The following NUP210 variants were observed in gnomAD, a reference collection of about 807,000 sequenced individuals.
NUP210 encodes the protein nuclear pore membrane glycoprotein 210.
Under a neutral mutation model 196.0 loss-of-function variants are expected in NUP210, and 151 were observed. The ratio of observed to expected loss-of-function variants is 0.77; its 90% CI spans 0.67 to 0.88. The LOEUF (loss-of-function observed/expected upper bound fraction) is 0.88, where lower values mean the gene tolerates loss of function less well. Ranked by LOEUF, NUP210 falls within the 40% of genes least tolerant of loss-of-function variation. The probability of loss-of-function intolerance (pLI) is 0.00; values close to 1 mark genes in which losing one functional copy is unlikely to be tolerated. For synonymous variants in NUP210, 1,070 were observed against 1,052.7 expected, an observed-to-expected ratio of 1.02 and a Z score of -0.32; for missense variants, 2,314 against 2,493.7, an observed-to-expected ratio of 0.93 and a Z score of 1.53.
chr3:13,377,517 C>A lies in NUP210; in HGVS notation c.1091G>T (p.Arg364Leu), dbSNP rs555632447. 5 of 1,613,892 alleles carry A rather than the reference C, an allele frequency of 3.1e-6. No homozygotes were observed. Among genetic ancestry groups the A allele is most frequent in the Admixed American group, 1.7e-5 (1 of 60,006 alleles). ...AACTTCGATGGTGATTTCATACAGG[C>A]GGCCGGTCTCCAGCACCCACCTGTC... is the stretch of plus-strand genomic sequence containing the variant. The part of the protein sequence containing the change: ...PGDRWVLETG[R>L]LYEITIEVFD... Residue 364 changes from arginine (R) to leucine (L), a missense_variant, in exon 9 of 40, where the codon CGC becomes CTC. Physicochemically the swap from Arg to Leu is moderately radical, Grantham distance 102. Coordinates refer to ENST00000254508, the MANE Select transcript of NUP210 (RefSeq NM_024923.4).
At chr3:13,321,482 AAG>A in intron 36 of NUP210, 101 bp downstream of exon 36, 1 of 1,273,752 alleles carries the variant, frequency 7.9e-7, no homozygotes, top group Non-Finnish European at 1.1e-6. Context: ...ATAAATTTTA[AAG>A]AGAGCTGGCC....
intron 5 of NUP210, among the ~76,000 whole-genome samples, chr3:13,386,943 A>G (rs1699298184): frequency 1.3e-5 from 2 of 152,204 alleles, no homozygotes; most frequent in South Asian, 4.1e-4. Context: ...GAGAAAGATC[A>G]CTAGGTGCCC....
chr3:13,348,710 C>T lies in NUP210; in HGVS notation c.2835+3169G>A. On this transcript the variant is annotated intron_variant, in intron 20 of 39. Coordinates refer to ENST00000254508, the MANE Select transcript of NUP210 (RefSeq NM_024923.4). This position sits in a 1 kb window ranked among gnomAD's most constrained non-coding sequence, Gnocchi z 4.0. ...GTGTCCTCCAACCACAAGCATGTCC[C>T]CAGCTGCTGAGGGCGTCCTGCCATC... is the stretch of plus-strand genomic sequence containing the variant. 1.0e-6 allele frequency: 1 copy of T among 985,364 alleles called. No homozygotes were observed. The highest frequency in any genetic ancestry group is 1.2e-6 in the Non-Finnish European group (1 of 829,924). The allele number at this position is 985,364 out of a possible 1,614,324, so 61.0% of individuals were successfully genotyped here. A position where few individuals can be genotyped will look rare whatever the true frequency, so the allele number is the denominator to read the frequency against.
intron 4 of NUP210, among the ~76,000 whole-genome samples, chr3:13,389,587 C>G (rs1245333636): frequency 6.6e-6 from 1 of 152,184 alleles, no homozygotes; most frequent in African/African-American, 2.4e-5. Context: ...ACCCACAGAG[C>G]TGGTCCAGCA....
At chr3:13,380,307 TC>T (rs1699059736) in intron 6 of NUP210, among the ~76,000 whole-genome samples, 1 of 152,098 alleles carries the variant, frequency 6.6e-6, no homozygotes, top group South Asian at 2.1e-4. Flanking sequence ...ATGTACATCT[TC>T]CTTGCTCTGT....
At position 13,390,817 on chromosome 3, in the gene NUP210, T is replaced by C. The variant is rs372017249; in HGVS notation, c.533+394A>G. On this transcript the variant is annotated intron_variant, in intron 4 of 39. Coordinates refer to ENST00000254508, the MANE Select transcript of NUP210 (RefSeq NM_024923.4). ...CCGCCATATGGGCGACTCAGCCTGT[T>C]CCACCTGAGACCCACCGGCACAGCT... 1.1e-3 allele frequency among the ~76,000 whole-genome samples: 173 copies of C among 152,302 alleles called. 2 individuals carry two copies. The highest frequency in any genetic ancestry group is 3.9e-3 in the African/African-American group (160 of 41,556).
rs1697533127 is a variant in NUP210 at position 13,342,114 on chromosome 3, C to T, written c.2974G>A (p.Gly992Arg). ...YIRVVDKVEI[G>R]KTVKAYVRVL... The stretch of plus-strand genomic sequence containing the variant: ...CGGACGTATGCCTTCACTGTCTTCC[C>T]AATCTCCACCTGCATCATGGGGACA... The change falls in exon 22 of 40, where the codon GGG (glycine) becomes AGG (arginine). Residue 992 changes from glycine (G) to arginine (R), a missense_variant. Transcript: ENST00000254508. 3 of 1,614,050 alleles carry T rather than the reference C, an allele frequency of 1.9e-6. No homozygotes were observed. Among genetic ancestry groups the T allele is most frequent in the South Asian group, 1.1e-5 (1 of 91,070 alleles).
At position 13,366,056 on chromosome 3, in the gene NUP210, T is replaced by C. The variant is rs3732671; in HGVS notation, c.1822A>G (p.Ile608Val). ...LPPGSEHCSG[I>V]RVKAEAQGST... Reference sequence around the variant, plus strand: ...CCCTGGGCCTCGGCCTTTACCCGGATGCCGCTGCAGTGCTCAGAGCCTGGC... The same window carrying C: ...CCCTGGGCCTCGGCCTTTACCCGGACGCCGCTGCAGTGCTCAGAGCCTGGC... Residue 608 changes from isoleucine (I) to valine (V), a missense_variant, in exon 14 of 40, where the codon ATC (isoleucine) becomes GTC (valine). Transcript: ENST00000254508. 910,508 of 1,613,658 alleles carry C rather than the reference T, an allele frequency of 0.56. 262,351 individuals carry two copies. The highest frequency in any genetic ancestry group is 0.85 in the African/African-American group (64,029 of 74,998).
In NUP210 at chr3:13,399,620, A is replaced by C. The variant is rs577774209; in HGVS notation, c.304+105T>G. ...TGGGTGTCCTGCCACTCAACAAGAG[A>C]AAGCCCTGCCATGGGCTCAGGTAGC... On this transcript the variant is annotated intron_variant, in intron 2 of 39. Coordinates refer to ENST00000254508, the MANE Select transcript of NUP210 (RefSeq NM_024923.4). 4.7e-4 allele frequency: 694 copies of C among 1,487,324 alleles called. 7 individuals carry two copies. The highest frequency in any genetic ancestry group is 5.5e-4 in the Admixed American group (30 of 54,284). The allele number at this position is 1,487,324 out of a possible 1,614,324, so 92.1% of individuals were successfully genotyped here.
chr3:13,409,155 G>A (rs28569149), intron 1 of NUP210, among the ~76,000 whole-genome samples: 33,924 of 152,176 alleles, frequency 0.22, 5,972 homozygotes, highest in African/African-American at 0.49. Flanking sequence ...CTGGGTTTGG[G>A]CTGCCCAGCC....
chr3:13,363,279 C>T (rs774485422), intron 14 of NUP210, among the ~76,000 whole-genome samples: 63 of 152,284 alleles, frequency 4.1e-4, no homozygotes, highest in Non-Finnish European at 7.8e-4. Context: ...AGCTGGTGGG[C>T]CCGGGTCTGT....
Position 13,379,172 on chromosome 3 carries a change from C to CA in NUP210, c.977-193dup, listed in dbSNP as rs766613775. ...ATCAAAGGCCACACTGCGCTTGCCA[C>CA]ACTAGCAAAGGGGAATCTCTGTGAG... is the stretch of plus-strand genomic sequence containing the variant. On this transcript the variant is annotated intron_variant, in intron 7 of 39. Transcript: ENST00000254508. The surrounding 1 kb of genome is among the most constrained non-coding windows in gnomAD (Gnocchi z 4.2). Among the ~76,000 whole-genome samples the CA allele has an allele frequency of 2.0e-5, 3 of 152,230 alleles. No homozygotes were observed. Among genetic ancestry groups the CA allele is most frequent in the Non-Finnish European group, 4.4e-5 (3 of 68,044 alleles).
In NUP210 at chr3:13,378,909, C is replaced by T; in HGVS notation, c.1045+3G>A. On this transcript the variant is annotated splice_donor_region_variant and intron_variant, in intron 8 of 39. Transcript: ENST00000254508. ...CATGAGGGCCCAGGAGGCCCACACT[C>T]ACCTAGGTATCCAGGTTCGACCACG... The T allele has an allele frequency of 2.5e-6, 4 of 1,610,910 alleles. No homozygotes were observed. Among genetic ancestry groups the T allele is most frequent in the Non-Finnish European group, 3.4e-6 (4 of 1,177,074 alleles).
intron 1 of NUP210, among the ~76,000 whole-genome samples, chr3:13,412,062 G>GT (rs1287987279): frequency 1.3e-5 from 2 of 149,762 alleles, no homozygotes; most frequent in Admixed American, 1.3e-4. Context: ...ACCCGGCCTA[G>GT]TTTTTTTAAT....
At chr3:13,389,691 G>A (rs1229010877) in intron 4 of NUP210, among the ~76,000 whole-genome samples, 1 of 152,184 alleles carries the variant, frequency 6.6e-6, no homozygotes, top group Non-Finnish European at 1.5e-5. Context: ...GGAGAAGGCT[G>A]TGACAGAGGA....
At chr3:13,370,894 G>A (rs980935812) in intron 13 of NUP210, among the ~76,000 whole-genome samples, 1 of 152,174 alleles carries the variant, frequency 6.6e-6, no homozygotes, top group African/African-American at 2.4e-5. Context: ...ACCTTCAGTG[G>A]CTCCCCACTG....
At chr3:13,342,175 C>T in intron 21 of NUP210, 52 bp from the exon 22 acceptor site, 1 of 1,606,618 alleles carries the variant, frequency 6.2e-7, no homozygotes, top group Admixed American at 1.7e-5. Flanking sequence ...ACCAATCCTA[C>T]CATCTATGGT....
chr3:13,322,326 G>A lies in NUP210; in HGVS notation c.4782C>T (p.Pro1594=). Reference sequence around the variant, plus strand: ...AGGCCTGGATGACTTCCCTCTGGGTGGGGGTGCACTCGCCTAGAGAGGGGA... The same window carrying A: ...AGGCCTGGATGACTTCCCTCTGGGTAGGGGTGCACTCGCCTAGAGAGGGGA... ...RSSNLRGECT[P]TQREVIQALH... Residue 1594 remains proline (P), a synonymous_variant, in exon 35 of 40, where the codon CCC becomes CCT. Transcript: ENST00000254508. 6.2e-7 allele frequency: 1 copy of A among 1,614,226 alleles called. No individual in the cohort carries two copies. Among genetic ancestry groups the A allele is most frequent in the East Asian group, 2.2e-5 (1 of 44,894 alleles).
chr3:13,375,492 G>A lies in NUP210; in HGVS notation c.1431+12C>T. The A allele has an allele frequency of 6.2e-7, 1 of 1,611,680 alleles. No individual in the cohort carries two copies. Among genetic ancestry groups the A allele is most frequent in the Non-Finnish European group, 8.5e-7 (1 of 1,178,232 alleles). ...CAAAGGAATGCACGCAGAGGTGAGG[G>A]GTCTCACGTACCCTTATTGTGTACT... On this transcript the variant is annotated intron_variant, in intron 11 of 39. Transcript: ENST00000254508.
Sources: gnomAD v4.1 joint callset for allele counts (sites outside exome capture counted in the v4.1 genomes callset) on GRCh38, gnomAD v4.1.1 for gene constraint, Gnocchi (gnomAD v3.1) non-coding constraint, MANE v1.5 for transcripts, NCBI Gene and HGNC (gene_info 2026-07-23, HGNC 2026-07-21) for gene names.